FAM161B: variants seen among roughly 807,000 people sequenced by gnomAD.
FAM161B encodes FAM161 centrosomal protein B, also known as protein FAM161B.
Under a neutral mutation model 61.5 loss-of-function variants are expected in FAM161B, and 46 were observed. That is an observed-to-expected ratio of 0.75 (90% CI 0.59 to 0.96). The LOEUF is 0.96. Ranked by LOEUF, FAM161B falls within the 40% of genes least tolerant of loss-of-function variation. FAM161B has a pLI of 0.00. For missense variants in FAM161B, 774 were observed against 800.7 expected (o/e 0.97, Z 0.40); for synonymous variants, 284 against 302.7 (o/e 0.94, Z 0.64).
intron 8 of FAM161B, among the ~76,000 whole-genome samples, chr14:73,934,835 TC>T (rs1205921469): frequency 1.3e-5 from 2 of 151,904 alleles, no homozygotes; most frequent in Non-Finnish European, 2.9e-5. Context: ...AATCACGAGG[TC>T]AAGAGATCAA....
chr14:73,940,600 C>G (rs753163644), intron 5 of FAM161B, among the ~76,000 whole-genome samples: 4 of 152,172 alleles, frequency 2.6e-5, no homozygotes, highest in Non-Finnish European at 4.4e-5. Flanking sequence ...TACCCCCCAT[C>G]ATTGCACTAC....
intron 3 of FAM161B, among the ~76,000 whole-genome samples, 171 bp downstream of exon 3, chr14:73,944,164 T>C (rs2056043350): frequency 6.6e-6 from 1 of 152,170 alleles, no homozygotes; most frequent in East Asian, 1.9e-4. Flanking sequence ...GTCCTGATTG[T>C]ATAGACAGAC....
At chr14:73,938,477 A>AT (rs2055989869) in intron 5 of FAM161B, among the ~76,000 whole-genome samples, 1 of 150,132 alleles carries the variant, frequency 6.7e-6, no homozygotes, top group East Asian at 2.0e-4. Flanking sequence ...AATAATAATA[A>AT]AATAAAATAA....
chr14:73,949,843 TG>T, intron 1 of FAM161B, 129 bp downstream of exon 1: 1 of 1,331,264 alleles, frequency 7.5e-7, no homozygotes, highest in Non-Finnish European at 1.0e-6. Context: ...GTCCGCCTCC[TG>T]GTCCCTAAAC....
chr14:73,924,734 T>G, the FAM161B span: 2 of 438,040 alleles, frequency 4.6e-6, no homozygotes, highest in South Asian at 3.3e-5. Context: ...TGGAGTGCAG[T>G]GGTGCGTTCT....
At chr14:73,932,191 G>T, downstream of FAM161B, 1 of 337,830 alleles carries the variant, frequency 3.0e-6, no homozygotes, top group Admixed American at 4.4e-5. Flanking sequence ...ATGTTAAGAG[G>T]GATTTCATGT....
At position 73,944,839 on chromosome 14, in the gene FAM161B, T is replaced by C. The variant is rs779465847; in HGVS notation, c.421A>G (p.Asn141Asp). The change falls in exon 3 of 9, where the codon AAC (asparagine) becomes GAC (aspartate). Residue 141 changes from asparagine (N) to aspartate (D), a missense_variant. Coordinates refer to ENST00000286544, the MANE Select transcript of FAM161B (RefSeq NM_152445.3). Reference protein sequence around the residue: ...RCSSLNNLPSNIPRPQTQPPS... With the variant: ...RCSSLNNLPSDIPRPQTQPPS... Reference sequence around the variant, plus strand: ...GGCTGGGTCTGAGGCCTGGGAATGTTGGAGGGAAGGTTGTTCAGGGAGCTG... The same window carrying C: ...GGCTGGGTCTGAGGCCTGGGAATGTCGGAGGGAAGGTTGTTCAGGGAGCTG... The C allele has an allele frequency of 1.3e-6, 2 of 1,534,806 alleles. No homozygotes were observed. The highest frequency in any genetic ancestry group is 4.5e-5 in the East Asian group (2 of 44,182).
At chr14:73,931,125 C>T (rs566390343), downstream of FAM161B, among the ~76,000 whole-genome samples, 1 of 152,102 alleles carries the variant, frequency 6.6e-6, no homozygotes, top group Non-Finnish European at 1.5e-5. Context: ...ATTTCCTTCT[C>T]CTACTTGAGC....
chr14:73,925,195 A>T, the FAM161B span, among the ~76,000 whole-genome samples: 1 of 152,156 alleles, frequency 6.6e-6, no homozygotes, highest in Non-Finnish European at 1.5e-5. Context: ...TGATCTTGAT[A>T]TCATTGGTTC....
chr14:73,923,111 C>T, the FAM161B span, among the ~76,000 whole-genome samples: 2 of 152,146 alleles, frequency 1.3e-5, no homozygotes, highest in East Asian at 1.9e-4. Context: ...ACCTGCTTGC[C>T]TAAGACTTTT....
At chr14:73,928,319 A>C (rs527654026), downstream of FAM161B, among the ~76,000 whole-genome samples, 2 of 152,160 alleles carry the variant, frequency 1.3e-5, no homozygotes, top group Non-Finnish European at 2.9e-5. Flanking sequence ...GTAAGGGAGT[A>C]GAGGGCCTCT....
chr14:73,927,850 A>ATTTTTTTT (rs769693607), downstream of FAM161B: 6 of 135,246 alleles, frequency 4.4e-5, no homozygotes, highest in African/African-American at 1.2e-4. Flanking sequence ...TTTTTTTTTA[A>ATTTTTTTT]TTTTTTAGAC....
chr14:73,938,518 A>G (rs1165764931), intron 5 of FAM161B, among the ~76,000 whole-genome samples: 1 of 151,240 alleles, frequency 6.6e-6, no homozygotes, highest in Non-Finnish European at 1.5e-5. Context: ...CATGCCTGTA[A>G]TCCCAGCACT....
the FAM161B span, among the ~76,000 whole-genome samples, chr14:73,923,105 G>A: frequency 6.6e-6 from 1 of 152,120 alleles, no homozygotes; most frequent in South Asian, 2.1e-4. Context: ...TCCCTTACCT[G>A]CTTGCCTAAG....
In FAM161B at chr14:73,946,606, C is replaced by G; in HGVS notation, c.55-1G>C. ...CTGCGAAGGACTCGGGGGGAAATAT[C>G]TAAAATAGAATAGAAATAGGCTGTG... On this transcript the variant is annotated splice_acceptor_variant, in intron 1 of 8. Transcript: ENST00000286544. LOFTEE classifies it high-confidence loss of function. 3.1e-6 allele frequency: 5 copies of G among 1,610,980 alleles called. No individual in the cohort carries two copies. The highest frequency in any genetic ancestry group is 3.4e-6 in the Non-Finnish European group (4 of 1,177,810).
At chr14:73,934,431 T>A (rs564126814) in intron 8 of FAM161B, 37 bp from the exon 9 acceptor site, 270 of 1,562,460 alleles carry the variant, frequency 1.7e-4, no homozygotes, top group African/African-American at 3.5e-4. Context: ...ACAAAAAAAA[T>A]TTTTTTTTCA....
At chr14:73,931,608 T>G (rs2055917143), downstream of FAM161B, 1 of 1,450,754 alleles carries the variant, frequency 6.9e-7, no homozygotes, top group Non-Finnish European at 9.7e-7. Flanking sequence ...GGGAACAGGA[T>G]GCCTTAGCCC....
At chr14:73,945,856 G>A (rs559894438) in intron 2 of FAM161B, among the ~76,000 whole-genome samples, 6 of 151,518 alleles carry the variant, frequency 4.0e-5, no homozygotes, top group Middle Eastern at 3.4e-3. Context: ...ATTCTCATGC[G>A]TCAGCCTCCT....
At chr14:73,943,054 T>C (rs980246787) in intron 3 of FAM161B, among the ~76,000 whole-genome samples, 1 of 152,116 alleles carries the variant, frequency 6.6e-6, no homozygotes, top group Non-Finnish European at 1.5e-5. Context: ...TGATTGCTTC[T>C]TCAGAGATGA....
Sources: allele counts gnomAD v4.1 joint callset (sites outside exome capture counted in the v4.1 genomes callset), GRCh38; gene constraint gnomAD v4.1.1; transcripts MANE v1.5; gene names NCBI Gene and HGNC (gene_info 2026-07-23, HGNC 2026-07-21).